LRFN5: variants seen among roughly 807,000 people sequenced by gnomAD.
LRFN5 encodes the protein leucine-rich repeat and fibronectin type-III domain-containing protein 5.
A neutral mutation model predicts 45.6 loss-of-function variants in LRFN5; 24 were observed. The ratio of observed to expected loss-of-function variants is 0.53; its 90% CI spans 0.38 to 0.74. The LOEUF (loss-of-function observed/expected upper bound fraction) is 0.74. Ranked by LOEUF, LRFN5 falls within the 30% of genes least tolerant of loss-of-function variation. The pLI is 0.00. For missense variants in LRFN5, 776 were observed against 861.5 expected (o/e 0.90, Z 1.24); for synonymous variants, 340 against 313.8 (o/e 1.08, Z -0.88).
At position 41,615,012 on chromosome 14, in the gene LRFN5, C is replaced by T. The variant is rs8022932; in HGVS notation, c.-197+6450C>T. On this transcript the variant is annotated intron_variant, in intron 1 of 5. Transcript: ENST00000298119. ...GAGAATCTAGCTGAGTTTAAGAAATCGTAGGCTGTATTTCTAATACTCTGG... is the reference window on the plus strand; with the variant it reads ...GAGAATCTAGCTGAGTTTAAGAAATTGTAGGCTGTATTTCTAATACTCTGG... 2.7e-3 allele frequency among the ~76,000 whole-genome samples: 418 copies of T among 152,126 alleles called. 1 individual carries two copies. The highest frequency in any genetic ancestry group is 9.2e-3 in the African/African-American group (383 of 41,538).
intron 1 of LRFN5, among the ~76,000 whole-genome samples, chr14:41,617,080 G>C (rs1047532334): frequency 6.6e-6 from 1 of 152,158 alleles, no homozygotes; most frequent in African/African-American, 2.4e-5. Flanking sequence ...GAGGCTGAAT[G>C]AAAGTCTAAG....
chr14:41,764,105 G>T (rs1284234478), intron 1 of LRFN5, among the ~76,000 whole-genome samples: 5 of 152,042 alleles, frequency 3.3e-5, no homozygotes, highest in Non-Finnish European at 4.4e-5. Context: ...TTTGGTCATT[G>T]CATTGACCAA....
chr14:41,862,065 A>G (rs1406799266), intron 2 of LRFN5, among the ~76,000 whole-genome samples: 1 of 152,068 alleles, frequency 6.6e-6, no homozygotes, highest in Non-Finnish European at 1.5e-5. Context: ...TCTCTCTCCT[A>G]TTGTCATGTA....
At chr14:41,747,423 A>G (rs1266341387) in intron 1 of LRFN5, among the ~76,000 whole-genome samples, 4 of 151,982 alleles carry the variant, frequency 2.6e-5, no homozygotes, top group Admixed American at 2.6e-4. Flanking sequence ...TGCCAACACC[A>G]TTCAGGTGGG....
At chr14:41,867,449 G>T (rs1258136422) in intron 2 of LRFN5, among the ~76,000 whole-genome samples, 1 of 152,006 alleles carries the variant, frequency 6.6e-6, no homozygotes, top group East Asian at 1.9e-4. Context: ...TATGAAAAGA[G>T]ATTTATGTTT....
chr14:41,878,826 T>G (rs903034716), intron 2 of LRFN5, among the ~76,000 whole-genome samples: 7 of 152,136 alleles, frequency 4.6e-5, no homozygotes, highest in Admixed American at 4.6e-4. Context: ...ATGAAAGCCA[T>G]TCTGACTTTC....
At chr14:41,655,298 A>G (rs1466922036) in intron 1 of LRFN5, among the ~76,000 whole-genome samples, 1 of 152,078 alleles carries the variant, frequency 6.6e-6, no homozygotes, top group Non-Finnish European at 1.5e-5. Flanking sequence ...TATTTTATAT[A>G]GACTAGTGGG....
chr14:41,822,839 A>T (rs1159995554), intron 2 of LRFN5, among the ~76,000 whole-genome samples: 1 of 123,280 alleles, frequency 8.1e-6, no homozygotes, highest in Non-Finnish European at 1.7e-5. Context: ...TTGGTTGCAT[A>T]TATATTTAGG....
chr14:41,746,665 A>G (rs192827439), intron 1 of LRFN5, among the ~76,000 whole-genome samples: 3 of 151,978 alleles, frequency 2.0e-5, no homozygotes, highest in African/African-American at 7.2e-5. Flanking sequence ...AAAATTTTTT[A>G]AAAAAGCAAA....
Position 41,803,227 on chromosome 14 carries a change from T to C in LRFN5, c.-21+36198T>C, listed in dbSNP as rs368593144. On this transcript the variant is annotated intron_variant, in intron 2 of 5. Coordinates refer to ENST00000298119, the MANE Select transcript of LRFN5 (RefSeq NM_152447.5). ...GTATTTGTCATTAAGATTCTTTTGA[T>C]AGCCAATGGATGTGCAGTTTTTAAG... Among the ~76,000 whole-genome samples, 5 of 152,338 alleles carry C rather than the reference T, an allele frequency of 3.3e-5. No homozygotes were observed. The East Asian group carries it at 7.7e-4, about 23-fold the overall frequency.
chr14:41,661,984 G>C (rs1323880422), intron 1 of LRFN5, among the ~76,000 whole-genome samples: 2 of 152,070 alleles, frequency 1.3e-5, no homozygotes, highest in Admixed American at 1.3e-4. Context: ...GCTGAAAAGA[G>C]AAGAGTATCC....
intron 1 of LRFN5, among the ~76,000 whole-genome samples, chr14:41,741,373 G>C (rs1366482064): frequency 6.6e-6 from 1 of 151,700 alleles, no homozygotes; most frequent in African/African-American, 2.4e-5. Flanking sequence ...GAATGGAAAA[G>C]AATAGAAAGC....
chr14:41,661,114 C>A (rs550602539), intron 1 of LRFN5, among the ~76,000 whole-genome samples: 1 of 151,402 alleles, frequency 6.6e-6, no homozygotes, highest in Non-Finnish European at 1.5e-5. Flanking sequence ...CTTACCAACA[C>A]AAAATAAATC....
intron 1 of LRFN5, among the ~76,000 whole-genome samples, chr14:41,677,443 GA>G (rs1430580624): frequency 6.6e-6 from 1 of 151,778 alleles, no homozygotes; most frequent in Non-Finnish European, 1.5e-5. Flanking sequence ...ACATATCAAA[GA>G]AACTATTATA....
intron 2 of LRFN5, among the ~76,000 whole-genome samples, chr14:41,883,844 T>C (rs1192537850): frequency 3.3e-5 from 5 of 152,228 alleles, no homozygotes; most frequent in African/African-American, 1.2e-4. Context: ...ATTCAACAAA[T>C]TGTTTGCTTT....
intron 1 of LRFN5, among the ~76,000 whole-genome samples, chr14:41,728,529 A>G (rs561776343): frequency 5.1e-4 from 78 of 152,302 alleles, no homozygotes; most frequent in Non-Finnish European, 4.3e-4. Context: ...TTTTAATAAA[A>G]CAAGAGTGAA....
intron 2 of LRFN5, among the ~76,000 whole-genome samples, chr14:41,838,363 G>C (rs374759124): frequency 6.6e-6 from 1 of 152,120 alleles, no homozygotes; most frequent in Admixed American, 6.5e-5. Flanking sequence ...GTAGGACTCC[G>C]TGGACTTGGA....
intron 2 of LRFN5, among the ~76,000 whole-genome samples, chr14:41,788,602 A>G (rs1324860914): frequency 1.3e-5 from 2 of 152,232 alleles, no homozygotes; most frequent in East Asian, 3.9e-4. Context: ...AACAAAGAAT[A>G]ACCACTGAAG....
At chr14:41,793,665 A>G (rs1473932920) in intron 2 of LRFN5, among the ~76,000 whole-genome samples, 3 of 151,866 alleles carry the variant, frequency 2.0e-5, no homozygotes, top group Non-Finnish European at 4.4e-5. Context: ...GACTCCCCCA[A>G]GCATCACTAT....
Sources: allele counts gnomAD v4.1 joint callset (sites outside exome capture counted in the v4.1 genomes callset), GRCh38; gene constraint gnomAD v4.1.1; transcripts MANE v1.5; gene names NCBI Gene and HGNC (gene_info 2026-07-23, HGNC 2026-07-21).